CYYR1: variants seen among roughly 807,000 people sequenced by gnomAD.
CYYR1 encodes the protein cysteine and tyrosine-rich protein 1.
CYYR1 carries 14 observed loss-of-function variants against 15.2 expected under a neutral mutation model. The observed-to-expected ratio is 0.92, with a 90% CI of 0.61 to 1.44. The LOEUF is 1.44. Ranked by LOEUF, CYYR1 falls within the 40% of genes most tolerant of loss-of-function variation. CYYR1 has a pLI of 0.00. For synonymous variants in CYYR1, 80 were observed against 77.4 expected, an observed-to-expected ratio of 1.03 and a Z score of -0.18; for missense variants, 228 against 209.5, an observed-to-expected ratio of 1.09 and a Z score of -0.54.
rs565741657 is a variant in CYYR1 at position 26,560,914 on chromosome 21, T to C, written c.176+5352A>G. ...AAACTGTACATAGCTGTAAGATAAA[T>C]TGTGGAAAACATGTTCTAGAAACCT... On this transcript the variant is annotated intron_variant, in intron 2 of 3. Transcript: ENST00000652641. Among the ~76,000 whole-genome samples the C allele has an allele frequency of 1.3e-3, 195 of 152,320 alleles. 1 individual carries two copies. Among genetic ancestry groups the C allele is most frequent in the African/African-American group, 4.3e-3 (180 of 41,574 alleles).
At chr21:26,527,346 T>A (rs1359665041) in intron 2 of CYYR1, among the ~76,000 whole-genome samples, 1 of 152,158 alleles carries the variant, frequency 6.6e-6, no homozygotes, top group Non-Finnish European at 1.5e-5. Flanking sequence ...AGGCATGAAG[T>A]TGGGTAAAAT....
At chr21:26,510,839 G>GAA (rs1457438467) in intron 2 of CYYR1, among the ~76,000 whole-genome samples, 1 of 152,090 alleles carries the variant, frequency 6.6e-6, no homozygotes, top group Non-Finnish European at 1.5e-5. Context: ...TATCCTATTT[G>GAA]TCAGTGTTAT....
chr21:26,570,093 A>T lies in CYYR1; in HGVS notation c.73+2775T>A, dbSNP rs377316187. Among the ~76,000 whole-genome samples, 5 of 152,296 alleles carry T rather than the reference A, an allele frequency of 3.3e-5. No homozygotes were observed. The East Asian group carries it at 9.6e-4, about 29-fold the overall frequency. ...TTTTATGTTGGTTGCTTTCTCTGGG[A>T]TATTTGAGAATAATTTGACAAAGAT... is the stretch of plus-strand genomic sequence containing the variant. On this transcript the variant is annotated intron_variant, in intron 1 of 3. Transcript: ENST00000652641.
At chr21:26,477,611 T>C (rs2065121234) in intron 3 of CYYR1, 1 of 531,988 alleles carries the variant, frequency 1.9e-6, no homozygotes, top group Non-Finnish European at 2.4e-6. Flanking sequence ...ATTCAAAGTT[T>C]GAACTTACAG....
intron 2 of CYYR1, among the ~76,000 whole-genome samples, chr21:26,560,871 C>A (rs1340778245): frequency 6.6e-6 from 1 of 152,110 alleles, no homozygotes; most frequent in African/African-American, 2.4e-5. Flanking sequence ...TCCTCCGGCA[C>A]CTGATGTAGA....
At chr21:26,503,739 C>G (rs900378324) in intron 2 of CYYR1, 1 of 152,112 alleles carries the variant, frequency 6.6e-6, no homozygotes, top group Non-Finnish European at 1.5e-5. Context: ...AAACACTTAT[C>G]TGGATATTAT....
At chr21:26,479,634 A>G (rs2065146798) in intron 3 of CYYR1, among the ~76,000 whole-genome samples, 1 of 152,152 alleles carries the variant, frequency 6.6e-6, no homozygotes, top group Non-Finnish European at 1.5e-5. Flanking sequence ...ATATTTGTCA[A>G]ATTATTAATA....
Position 26,468,605 on chromosome 21 carries a change from C to T in CYYR1, c.364G>A (p.Glu122Lys), listed in dbSNP as rs140249086. 33 of 1,611,554 alleles carry T rather than the reference C, an allele frequency of 2.0e-5. 1 individual carries two copies. Among genetic ancestry groups the T allele is most frequent in the South Asian group, 1.9e-4 (17 of 90,822 alleles). ...AGPPPYGHDH[E>K]MEYCADLPPP... is the part of the protein sequence containing the mutation. ...GGCAAGTCTGCACAGTATTCCATCT[C>T]GTGGTCGTGACCGTAGGGTGGTGGT... The change falls in exon 4 of 4, where the codon GAG becomes AAG. Residue 122 changes from glutamate (E) to lysine (K), a missense_variant. By Grantham distance (56) the Glu-to-Lys change is moderately conservative. Transcript: ENST00000652641.
chr21:26,525,615 CGT>C, intron 2 of CYYR1, among the ~76,000 whole-genome samples: 1 of 152,252 alleles, frequency 6.6e-6, no homozygotes, highest in Non-Finnish European at 1.5e-5. Flanking sequence ...TTATTCTTAA[CGT>C]GTGTTCAGGA....
At chr21:26,511,733 G>A (rs1337468940) in intron 2 of CYYR1, among the ~76,000 whole-genome samples, 4 of 152,182 alleles carry the variant, frequency 2.6e-5, no homozygotes, top group Non-Finnish European at 4.4e-5. Flanking sequence ...AAGGGTTTGA[G>A]TTTCTTCCCC....
intron 2 of CYYR1, among the ~76,000 whole-genome samples, chr21:26,510,831 T>G (rs1420832691): frequency 1.3e-5 from 2 of 152,204 alleles, no homozygotes; most frequent in Non-Finnish European, 2.9e-5. Context: ...AATAATGATA[T>G]CCTATTTGTC....
intron 2 of CYYR1, among the ~76,000 whole-genome samples, chr21:26,493,590 T>C (rs1390625238): frequency 6.6e-6 from 1 of 152,094 alleles, no homozygotes; most frequent in Non-Finnish European, 1.5e-5. Flanking sequence ...AGTAACTAAG[T>C]CTGGAGGAAG....
chr21:26,480,386 T>C lies in CYYR1; in HGVS notation c.220A>G (p.Met74Val). ...AGIVFGIVFI[M>V]GVIAGIAICI... ...ATGGCAATCCCAGCAATGACCCCCA[T>C]GATAAATACTATTCCAAAAACAATG... The change falls in exon 3 of 4, where the codon ATG becomes GTG. Residue 74 changes from methionine (M) to valine (V), a missense_variant. Transcript: ENST00000652641. 2.5e-6 allele frequency: 4 copies of C among 1,613,400 alleles called. No individual in the cohort carries two copies. The South Asian group carries it at 3.3e-5, about 13-fold the overall frequency.
intron 2 of CYYR1, among the ~76,000 whole-genome samples, chr21:26,516,914 G>C (rs1173332528): frequency 1.3e-5 from 2 of 151,484 alleles, no homozygotes; most frequent in East Asian, 3.9e-4. Context: ...AGGAGATCGA[G>C]ACCATCCTGG....
chr21:26,510,034 T>G (rs905441332), intron 2 of CYYR1, among the ~76,000 whole-genome samples: 10 of 152,218 alleles, frequency 6.6e-5, no homozygotes, highest in African/African-American at 2.2e-4. Context: ...AAGATCTCAT[T>G]GAACTAATCA....
chr21:26,480,258 A>G lies in CYYR1; in HGVS notation c.334+14T>C. 6.3e-7 allele frequency: 1 copy of G among 1,598,986 alleles called. No individual in the cohort carries two copies. The highest frequency in any genetic ancestry group is 8.5e-7 in the Non-Finnish European group (1 of 1,173,542). On this transcript the variant is annotated intron_variant, in intron 3 of 3. Coordinates refer to ENST00000652641, the MANE Select transcript of CYYR1 (RefSeq NM_001320768.2). ...AGCAAATCTGAGCCTTCGAGAGTCA[A>G]CAGTTTTGCTCACCAGGATAGGAGG...
intron 3 of CYYR1, among the ~76,000 whole-genome samples, chr21:26,475,782 T>C (rs1730053331): frequency 6.6e-6 from 1 of 152,310 alleles, no homozygotes; most frequent in Non-Finnish European, 1.5e-5. Flanking sequence ...AGTTCATGTT[T>C]GAATTCTCTG....
At chr21:26,527,358 G>C (rs541040862) in intron 2 of CYYR1, among the ~76,000 whole-genome samples, 1 of 152,046 alleles carries the variant, frequency 6.6e-6, no homozygotes, top group Non-Finnish European at 1.5e-5. Flanking sequence ...GGGTAAAATT[G>C]ATACCTTTTA....
In CYYR1 at chr21:26,468,481, G is replaced by C. The variant is rs773986577; in HGVS notation, c.*20C>G. On this transcript the variant is annotated 3_prime_UTR_variant, in exon 4 of 4. Transcript: ENST00000652641. Reference sequence around the variant, plus strand: ...CAGGCAAGATCGCCCATTGGCACATGTTCTGTTCTGGGAGATAGATTATTT... The same window carrying C: ...CAGGCAAGATCGCCCATTGGCACATCTTCTGTTCTGGGAGATAGATTATTT... 3.4e-6 allele frequency: 5 copies of C among 1,455,350 alleles called. No homozygotes were observed. The highest frequency in any genetic ancestry group is 4.8e-6 in the Non-Finnish European group (5 of 1,034,992). 90.2% of individuals were successfully genotyped at this position (1,455,350 alleles called of 1,614,324 possible). A position where few individuals can be genotyped will look rare whatever the true frequency, so the allele number is the denominator to read the frequency against.
Sources: allele counts gnomAD v4.1 joint callset (sites outside exome capture counted in the v4.1 genomes callset), GRCh38; gene constraint gnomAD v4.1.1; transcripts MANE v1.5; gene names NCBI Gene and HGNC (gene_info 2026-07-23, HGNC 2026-07-21).